Variants in NCKAP5 observed in about 807,000 individuals in gnomAD.
NCKAP5 encodes the protein nck-associated protein 5.
A neutral mutation model predicts 167.0 loss-of-function variants in NCKAP5; 92 were observed. That is an observed-to-expected ratio of 0.55 (90% confidence interval 0.47 to 0.66). The LOEUF (loss-of-function observed/expected upper bound fraction) is 0.66, where lower values mean the gene tolerates loss of function less well. Ranked by LOEUF, NCKAP5 falls within the 30% of genes least tolerant of loss-of-function variation. The pLI, the probability that NCKAP5 is intolerant of heterozygous loss-of-function variation, is 0.00. For missense variants in NCKAP5, 2,378 were observed against 2,315.0 expected (o/e 1.03, Z -0.56); for synonymous variants, 891 against 877.4 (o/e 1.02, Z -0.27).
chr2:133,292,097 G>T (rs903397946), intron 4 of NCKAP5, among the ~76,000 whole-genome samples: 3 of 152,118 alleles, frequency 2.0e-5, no homozygotes, highest in Admixed American at 6.6e-5. Flanking sequence ...GGGGTTGGGG[G>T]ACAGAGGTAG....
Position 132,929,453 on chromosome 2 carries a change from TA to T in NCKAP5, c.579+34266del, listed in dbSNP as rs146250345. Among the ~76,000 whole-genome samples the T allele has an allele frequency of 1.6e-3, 247 of 152,272 alleles. 1 individual carries two copies. Among genetic ancestry groups the T allele is most frequent in the African/African-American group, 5.4e-3 (226 of 41,560 alleles). ...TTACCTGAGTTAACAAATAAAAGGT[TA>T]AAAAACCCTAAAAATATACTGTTAA... is the stretch of plus-strand genomic sequence containing the variant. On this transcript the variant is annotated intron_variant, in intron 8 of 19. Coordinates refer to ENST00000409261, the MANE Select transcript of NCKAP5 (RefSeq NM_207363.3).
chr2:133,355,334 T>G (rs1339743162), intron 3 of NCKAP5, among the ~76,000 whole-genome samples: 1 of 152,184 alleles, frequency 6.6e-6, no homozygotes, highest in African/African-American at 2.4e-5. Context: ...AAATAAAATG[T>G]CCTGAGATTT....
chr2:133,401,263 G>T (rs1356739908), intron 3 of NCKAP5, among the ~76,000 whole-genome samples: 1 of 152,224 alleles, frequency 6.6e-6, no homozygotes, highest in Non-Finnish European at 1.5e-5. Context: ...CCATTCCCCT[G>T]CTCCTCACAT....
the NCKAP5 span, among the ~76,000 whole-genome samples, chr2:133,603,510 C>A: frequency 3.9e-5 from 6 of 151,970 alleles, no homozygotes; most frequent in African/African-American, 4.8e-5. Context: ...CAGGCGTGAG[C>A]CACCGTGCCC....
intron 2 of NCKAP5, among the ~76,000 whole-genome samples, chr2:133,519,421 AT>A (rs1193560199): frequency 1.3e-5 from 2 of 152,190 alleles, no homozygotes; most frequent in Non-Finnish European, 2.9e-5. Context: ...GTCAACTGAA[AT>A]TTGTTTGGGA....
chr2:132,895,341 T>C (rs1693093541), intron 8 of NCKAP5, among the ~76,000 whole-genome samples: 1 of 124,180 alleles, frequency 8.1e-6, no homozygotes. Context: ...TCTGAGACTC[T>C]GTCTCAAAAA....
chr2:133,245,506 G>A (rs1048483257), intron 4 of NCKAP5, among the ~76,000 whole-genome samples: 5 of 152,116 alleles, frequency 3.3e-5, no homozygotes, highest in Non-Finnish European at 7.4e-5. Context: ...ACAAGGCATG[G>A]AGTGAATTCT....
At chr2:132,673,356 G>A in intron 19 of NCKAP5, 51 bp from the exon 20 acceptor site, 1 of 1,331,258 alleles carries the variant, frequency 7.5e-7, no homozygotes, top group South Asian at 1.4e-5. Context: ...GGAAAATCAA[G>A]TTATCCTATC....
At chr2:132,862,298 A>G (rs1689974562) in intron 10 of NCKAP5, among the ~76,000 whole-genome samples, 1 of 152,248 alleles carries the variant, frequency 6.6e-6, no homozygotes, top group Non-Finnish European at 1.5e-5. Flanking sequence ...GGGGGCAAAG[A>G]AACAGGCCAA....
At chr2:133,250,407 AAG>A (rs2088251577) in intron 4 of NCKAP5, among the ~76,000 whole-genome samples, 1 of 152,040 alleles carries the variant, frequency 6.6e-6, no homozygotes, top group East Asian at 1.9e-4. Context: ...TAGGGCATGT[AAG>A]ACAGCATGCA....
chr2:133,328,670 T>C (rs904640007), intron 3 of NCKAP5, among the ~76,000 whole-genome samples: 1 of 152,210 alleles, frequency 6.6e-6, no homozygotes, highest in South Asian at 2.1e-4. Context: ...TATGATATGT[T>C]GGTAACAAGG....
chr2:133,064,991 T>C (rs1222189044), intron 6 of NCKAP5, among the ~76,000 whole-genome samples: 4 of 152,202 alleles, frequency 2.6e-5, no homozygotes, highest in Non-Finnish European at 5.9e-5. Context: ...TTGGAAGTAA[T>C]ACTTTTTCCA....
intron 5 of NCKAP5, among the ~76,000 whole-genome samples, chr2:133,130,733 A>G (rs988564767): frequency 6.6e-6 from 1 of 152,214 alleles, no homozygotes; most frequent in Non-Finnish European, 1.5e-5. Flanking sequence ...GATGACACAG[A>G]ATAGACGGTT....
chr2:133,062,857 AT>A (rs1399800386), intron 6 of NCKAP5, among the ~76,000 whole-genome samples: 1 of 152,222 alleles, frequency 6.6e-6, no homozygotes, highest in Non-Finnish European at 1.5e-5. Context: ...ACCAAAGAAG[AT>A]TCAGTAAAAA....
intron 13 of NCKAP5, among the ~76,000 whole-genome samples, chr2:132,787,283 C>T (rs573471103): frequency 1.4e-5 from 2 of 147,726 alleles, no homozygotes; most frequent in East Asian, 2.0e-4. Flanking sequence ...GGGAGGCGGA[C>T]ATTGCAGTGA....
chr2:132,957,708 C>T (rs917992322), intron 8 of NCKAP5, among the ~76,000 whole-genome samples: 2 of 152,146 alleles, frequency 1.3e-5, no homozygotes, highest in Admixed American at 6.5e-5. Flanking sequence ...CTCTAATTTT[C>T]CTTCTGCTTT....
At chr2:133,320,391 G>A (rs576745173) in intron 3 of NCKAP5, among the ~76,000 whole-genome samples, 13 of 152,158 alleles carry the variant, frequency 8.5e-5, no homozygotes, top group East Asian at 1.9e-4. Flanking sequence ...ACCTCCTCTC[G>A]CTGTCAAAGT....
intron 6 of NCKAP5, among the ~76,000 whole-genome samples, chr2:133,040,030 T>C (rs2079160556): frequency 6.6e-6 from 1 of 152,110 alleles, no homozygotes; most frequent in South Asian, 2.1e-4. Flanking sequence ...TGATTTTATA[T>C]CCTGTATCAC....
At chr2:132,933,525 T>G (rs146800409) in intron 8 of NCKAP5, among the ~76,000 whole-genome samples, 2 of 152,250 alleles carry the variant, frequency 1.3e-5, no homozygotes, top group Non-Finnish European at 2.9e-5. Flanking sequence ...TATCAAACTT[T>G]GTGTTTCTCA....
Sources: gnomAD v4.1 joint callset for allele counts (sites outside exome capture counted in the v4.1 genomes callset) on GRCh38, gnomAD v4.1.1 for gene constraint, MANE v1.5 for transcripts, NCBI Gene and HGNC (gene_info 2026-07-23, HGNC 2026-07-21) for gene names.